The following PLEKHA1 variants were observed in gnomAD, a reference collection of about 807,000 sequenced individuals.
PLEKHA1 encodes the protein pleckstrin homology domain containing A1.
Under a neutral mutation model 52.0 loss-of-function variants are expected in PLEKHA1, and 34 were observed. The ratio of observed to expected loss-of-function variants is 0.65; its 90% CI spans 0.50 to 0.87. The LOEUF (loss-of-function observed/expected upper bound fraction) is 0.87, where lower values mean the gene tolerates loss of function less well. Ranked by LOEUF, PLEKHA1 falls within the 40% of genes least tolerant of loss-of-function variation. PLEKHA1 has a pLI of 0.00. For synonymous variants in PLEKHA1, 163 were observed against 170.7 expected, an observed-to-expected ratio of 0.95 and a Z score of 0.35; for missense variants, 497 against 504.2, an observed-to-expected ratio of 0.99 and a Z score of 0.14.
chr10:122,424,169 CTGT>C lies in PLEKHA1; in HGVS notation c.682-28_682-26del, dbSNP rs1311523414. The C allele has an allele frequency of 1.2e-4, 86 of 728,530 alleles. No homozygotes were observed. In the African/African-American group the frequency reaches 2.1e-3, roughly 18 times the overall value. The allele number at this position is 728,530 out of a possible 1,614,324, so 45.1% of individuals were successfully genotyped here. A position where few individuals can be genotyped will look rare whatever the true frequency, so the allele number is the denominator to read the frequency against. Reference sequence around the variant, plus strand: ...GATTTTAAGAATAAACATCATGTAACTGTTTTTTTTTTTTTTTTTTTTTTGCCA... The same window carrying C: ...GATTTTAAGAATAAACATCATGTAACTTTTTTTTTTTTTTTTTTTTTGCCA... On this transcript the variant is annotated intron_variant, in intron 8 of 11. Transcript: ENST00000368990.
At chr10:122,408,256 A>G (rs1164951504) in intron 5 of PLEKHA1, among the ~76,000 whole-genome samples, 1 of 151,800 alleles carries the variant, frequency 6.6e-6, no homozygotes, top group African/African-American at 2.4e-5. Context: ...GAGAAAAAGT[A>G]GTGAATGGTC....
Position 122,377,076 on chromosome 10 carries a change from T to G in PLEKHA1, c.-21+2270T>G, listed in dbSNP as rs190282331. Among the ~76,000 whole-genome samples the G allele has an allele frequency of 3.1e-3, 470 of 152,354 alleles. 1 individual carries two copies. The highest frequency in any genetic ancestry group is 0.011 in the African/African-American group (452 of 41,576). ...AAGTTATTTTAATTGTGTGATAATTTGTAACCCAGAATGAAATCTAATAAA... is the reference window on the plus strand; with the variant it reads ...AAGTTATTTTAATTGTGTGATAATTGGTAACCCAGAATGAAATCTAATAAA... On this transcript the variant is annotated intron_variant, in intron 1 of 11. Transcript: ENST00000368990.
chr10:122,378,642 A>G (rs2096570631), intron 1 of PLEKHA1, among the ~76,000 whole-genome samples: 1 of 151,086 alleles, frequency 6.6e-6, no homozygotes, highest in African/African-American at 2.4e-5. Flanking sequence ...AGGCTGTTGT[A>G]GGAGGATCCC....
At chr10:122,395,862 G>C (rs1470463226) in intron 2 of PLEKHA1, among the ~76,000 whole-genome samples, 1 of 152,098 alleles carries the variant, frequency 6.6e-6, no homozygotes, top group East Asian at 1.9e-4. Context: ...TTAAGTTGCT[G>C]TACGAGGGAG....
chr10:122,416,100 C>G (rs1424558347), intron 7 of PLEKHA1, 98 bp downstream of exon 7: 4 of 1,330,780 alleles, frequency 3.0e-6, no homozygotes, highest in Non-Finnish European at 4.0e-6. Context: ...TTATGAAAGA[C>G]CCAAAGTGAG....
chr10:122,386,300 T>A (rs1368453972), intron 1 of PLEKHA1, among the ~76,000 whole-genome samples: 1 of 55,214 alleles, frequency 1.8e-5, no homozygotes, highest in Non-Finnish European at 3.8e-5. Flanking sequence ...TCAGCTTGTG[T>A]GTTCCAAGTT....
chr10:122,383,043 C>T (rs1033544414), intron 1 of PLEKHA1, among the ~76,000 whole-genome samples: 1 of 152,070 alleles, frequency 6.6e-6, no homozygotes, highest in African/African-American at 2.4e-5. Flanking sequence ...AGTGTGTTGT[C>T]AAACTTTTGA....
At chr10:122,405,160 A>T (rs2096990181) in intron 4 of PLEKHA1, among the ~76,000 whole-genome samples, 1 of 152,226 alleles carries the variant, frequency 6.6e-6, no homozygotes, top group African/African-American at 2.4e-5. Flanking sequence ...CTAAAGGGGA[A>T]TATAGAAACT....
chr10:122,415,575 A>G (rs1173744164), intron 6 of PLEKHA1, among the ~76,000 whole-genome samples: 1 of 152,194 alleles, frequency 6.6e-6, no homozygotes, highest in Non-Finnish European at 1.5e-5. Flanking sequence ...TTTTTTGGGC[A>G]GCTTCTGGTG....
At chr10:122,390,953 C>T (rs1209026521) in intron 1 of PLEKHA1, among the ~76,000 whole-genome samples, 2 of 152,118 alleles carry the variant, frequency 1.3e-5, no homozygotes, top group African/African-American at 4.8e-5. Context: ...TCCTTGCCAA[C>T]ACTTGTTATT....
At chr10:122,405,133 A>G (rs763932387) in intron 4 of PLEKHA1, among the ~76,000 whole-genome samples, 21 of 152,186 alleles carry the variant, frequency 1.4e-4, no homozygotes, top group Non-Finnish European at 2.2e-4. Flanking sequence ...GCTTTGCTTG[A>G]TAAAAGTACC....
intron 10 of PLEKHA1, 131 bp from the exon 11 acceptor site, chr10:122,426,811 T>A (rs1370447400): frequency 1.0e-5 from 8 of 775,690 alleles, no homozygotes; most frequent in Non-Finnish European, 1.6e-5. Context: ...TTTCTAAATT[T>A]TTTGGAAACA....
At chr10:122,436,459 C>T (rs1311614405), downstream of PLEKHA1, 2 of 152,176 alleles carry the variant, frequency 1.3e-5, no homozygotes, top group East Asian at 1.9e-4. Flanking sequence ...TGGATTCTTG[C>T]TTTGGAAACA....
downstream of PLEKHA1, chr10:122,436,788 A>G (rs1168393560): frequency 2.0e-5 from 3 of 152,170 alleles, no homozygotes; most frequent in African/African-American, 4.8e-5. Context: ...AGGTACTTCT[A>G]AGTAAAAGCC....
chr10:122,424,314 A>G (rs1457900176), intron 9 of PLEKHA1, 51 bp downstream of exon 9: 1 of 1,541,010 alleles, frequency 6.5e-7, no homozygotes, highest in Admixed American at 2.2e-5. Context: ...AACACAGAAT[A>G]GTGCCTTAGT....
At chr10:122,416,145 T>C in intron 7 of PLEKHA1, 143 bp downstream of exon 7, 1 of 954,950 alleles carries the variant, frequency 1.0e-6, no homozygotes, top group East Asian at 2.7e-5. Flanking sequence ...GGAGATAAAA[T>C]AGGGGATATT....
Position 122,393,204 on chromosome 10 carries a change from C to A in PLEKHA1, c.4C>A (p.Pro2Thr). The change falls in exon 2 of 12, where the codon CCT becomes ACT. Residue 2 changes from proline (P) to threonine (T), a missense_variant. Transcript: ENST00000368990. The surrounding 1 kb of genome is among the most constrained non-coding windows in gnomAD (Gnocchi z 4.5). Reference protein sequence around the residue: MPYVDRQNRICG... With the variant: MTYVDRQNRICG... ...AGTGTAATGTTCAAGCTCAGAAATGCCTTATGTGGATCGTCAGAATCGCAT... is the reference window on the plus strand; with the variant it reads ...AGTGTAATGTTCAAGCTCAGAAATGACTTATGTGGATCGTCAGAATCGCAT... The A allele has an allele frequency of 6.2e-7, 1 of 1,609,984 alleles. No homozygotes were observed. Among genetic ancestry groups the A allele is most frequent in the Non-Finnish European group, 8.5e-7 (1 of 1,178,288 alleles).
intron 10 of PLEKHA1, chr10:122,425,673 G>A (rs1210223975): frequency 7.0e-6 from 1 of 143,090 alleles, no homozygotes; most frequent in African/African-American, 2.6e-5. Context: ...AGCTGAGATC[G>A]TGTTACTGCA....
chr10:122,419,975 G>C (rs1473075693), intron 8 of PLEKHA1: 1 of 152,224 alleles, frequency 6.6e-6, no homozygotes, highest in Non-Finnish European at 1.5e-5. Context: ...GGGGCAGCCA[G>C]GCTGCAGCTG....
Sources: gnomAD v4.1 joint callset for allele counts (sites outside exome capture counted in the v4.1 genomes callset) on GRCh38, gnomAD v4.1.1 for gene constraint, Gnocchi (gnomAD v3.1) non-coding constraint, MANE v1.5 for transcripts, NCBI Gene and HGNC (gene_info 2026-07-23, HGNC 2026-07-21) for gene names.